The following SLC24A2 variants were observed in gnomAD, a reference collection of about 807,000 sequenced individuals.
The protein encoded by SLC24A2 is solute carrier family 24 member 2, also known as sodium/potassium/calcium exchanger 2.
A neutral mutation model predicts 62.0 loss-of-function variants in SLC24A2; 36 were observed. The observed-to-expected ratio is 0.58, with a 90% CI of 0.44 to 0.77. SLC24A2 has a LOEUF of 0.77. SLC24A2 is among the 30% of genes least tolerant of loss of function. SLC24A2 has a pLI of 0.00. For synonymous variants in SLC24A2, 358 were observed against 294.0 expected, an observed-to-expected ratio of 1.22 and a Z score of -2.23; for missense variants, 846 against 817.9, an observed-to-expected ratio of 1.03 and a Z score of -0.42.
At chr9:20,025,215 C>A in the SLC24A2 span, among the ~76,000 whole-genome samples, 1 of 152,052 alleles carries the variant, frequency 6.6e-6, no homozygotes, top group Admixed American at 6.6e-5. Flanking sequence ...TGAATTGTGT[C>A]CTGCTGTTTG....
At chr9:20,246,482 A>C in the SLC24A2 span, among the ~76,000 whole-genome samples, 4 of 152,376 alleles carry the variant, frequency 2.6e-5, no homozygotes, top group East Asian at 7.7e-4. Flanking sequence ...TCAGGAGGAA[A>C]GAGTTCATTT....
In SLC24A2 at chr9:19,514,425, C is replaced by G. The variant is rs1258664754; in HGVS notation, c.*1728G>C. On this transcript the variant is annotated 3_prime_UTR_variant, in exon 11 of 11. Transcript: ENST00000341998. ...ACAGAATAATGAACCATCCTTGATT[C>G]AATTTTTCAACTGATTTTAAGGAAA... 1 of 152,110 alleles carries G rather than the reference C, an allele frequency of 6.6e-6. No homozygotes were observed. Among genetic ancestry groups the G allele is most frequent in the Non-Finnish European group, 1.5e-5 (1 of 68,010 alleles). 9.4% of individuals were successfully genotyped at this position (152,110 alleles called of 1,614,324 possible). A position where few individuals can be genotyped will look rare whatever the true frequency, so the allele number is the denominator to read the frequency against.
chr9:20,232,343 C>T, the SLC24A2 span, among the ~76,000 whole-genome samples: 17 of 152,128 alleles, frequency 1.1e-4, no homozygotes, highest in Admixed American at 5.2e-4. Flanking sequence ...TGGTAGAATT[C>T]GGCTGTGAAT....
chr9:19,779,741 T>C (rs1476855260), intron 2 of SLC24A2, among the ~76,000 whole-genome samples: 1 of 152,110 alleles, frequency 6.6e-6, no homozygotes, highest in East Asian at 1.9e-4. Flanking sequence ...AAAATGAAAG[T>C]TATAACTCAA....
chr9:20,070,970 T>C, the SLC24A2 span, among the ~76,000 whole-genome samples: 1 of 152,194 alleles, frequency 6.6e-6, no homozygotes, highest in Admixed American at 6.5e-5. Flanking sequence ...TTTATTATAG[T>C]TTAACACCAT....
chr9:19,636,322 T>TTCTTTTCTTTTTTCTTTTCTTTTC (rs376017966), intron 2 of SLC24A2, among the ~76,000 whole-genome samples: 1 of 30,562 alleles, frequency 3.3e-5, no homozygotes. Context: ...TTCTTTTCTT[T>TTCTTTTCTTTTTTCTTTTCTTTTC]CTTTCTTTCT....
Position 19,765,869 on chromosome 9 carries a change from T to A in SLC24A2, c.930+20068A>T, listed in dbSNP as rs2383120. Among the ~76,000 whole-genome samples the A allele has an allele frequency of 1.4e-4, 21 of 152,126 alleles. No homozygotes were observed. The East Asian group carries it at 3.5e-3, about 25-fold the overall frequency. The stretch of plus-strand genomic sequence containing the variant: ...CCTTGCTAGGTTGGGGAAGTTCTCC[T>A]GGATAATATCCTGAAGTGTGTTTTC... On this transcript the variant is annotated intron_variant, in intron 2 of 10. Transcript: ENST00000341998.
chr9:19,904,346 C>T, the SLC24A2 span, among the ~76,000 whole-genome samples: 215 of 152,304 alleles, frequency 1.4e-3, 1 homozygote, highest in African/African-American at 5.1e-3. Context: ...ACCAAAATCA[C>T]CCTCTGTAGC....
At chr9:20,106,650 C>T in the SLC24A2 span, among the ~76,000 whole-genome samples, 1 of 151,942 alleles carries the variant, frequency 6.6e-6, no homozygotes, top group Non-Finnish European at 1.5e-5. Context: ...ATTCAACAAC[C>T]CTTCATGCTA....
At chr9:19,915,528 T>A in the SLC24A2 span, among the ~76,000 whole-genome samples, 11 of 152,252 alleles carry the variant, frequency 7.2e-5, no homozygotes, top group Non-Finnish European at 1.2e-4. Context: ...CACTGCACCA[T>A]TTAATAATAT....
chr9:20,226,881 G>T, the SLC24A2 span, among the ~76,000 whole-genome samples: 1 of 152,206 alleles, frequency 6.6e-6, no homozygotes, highest in South Asian at 2.1e-4. Flanking sequence ...AGCCAGCGAA[G>T]TAGGCTCTGA....
chr9:19,990,461 A>G, the SLC24A2 span, among the ~76,000 whole-genome samples: 1 of 152,006 alleles, frequency 6.6e-6, no homozygotes, highest in Non-Finnish European at 1.5e-5. Context: ...ATACAAAAAA[A>G]TTAGCCGGGC....
At chr9:20,081,998 G>C in the SLC24A2 span, among the ~76,000 whole-genome samples, 1 of 152,138 alleles carries the variant, frequency 6.6e-6, no homozygotes, top group African/African-American at 2.4e-5. Flanking sequence ...CCTTTCAGGG[G>C]ATTCTCACTC....
the SLC24A2 span, among the ~76,000 whole-genome samples, chr9:20,218,726 T>A: frequency 1.3e-5 from 2 of 152,204 alleles, no homozygotes; most frequent in East Asian, 3.9e-4. Context: ...TGCCTAGTTA[T>A]GTTAGTTTTC....
intron 2 of SLC24A2, among the ~76,000 whole-genome samples, chr9:19,772,881 A>G (rs1299363875): frequency 6.6e-6 from 1 of 152,206 alleles, no homozygotes; most frequent in African/African-American, 2.4e-5. Context: ...TCACACAAAC[A>G]CTTGTAAGTA....
chr9:20,070,497 G>A, the SLC24A2 span, among the ~76,000 whole-genome samples: 1 of 152,198 alleles, frequency 6.6e-6, no homozygotes, highest in African/African-American at 2.4e-5. Context: ...GTTTGTAAAT[G>A]AACCAAAGAA....
the SLC24A2 span, among the ~76,000 whole-genome samples, chr9:19,853,113 T>C: frequency 6.8e-6 from 1 of 147,418 alleles, no homozygotes; most frequent in African/African-American, 2.7e-5. Flanking sequence ...TTTGGCCCTC[T>C]ACTTATCTGT....
At chr9:20,301,581 C>G in the SLC24A2 span, among the ~76,000 whole-genome samples, 1 of 150,536 alleles carries the variant, frequency 6.6e-6, no homozygotes, top group Non-Finnish European at 1.5e-5. Flanking sequence ...GAAATTAAAG[C>G]CTTTTTTTTT....
intron 2 of SLC24A2, among the ~76,000 whole-genome samples, chr9:19,688,105 T>C (rs944045578): frequency 6.6e-6 from 1 of 152,112 alleles, no homozygotes; most frequent in Admixed American, 6.5e-5. Flanking sequence ...TGCAAATCAA[T>C]TTGTTCAGCT....
Sources: gnomAD v4.1 joint callset for allele counts (sites outside exome capture counted in the v4.1 genomes callset) on GRCh38, gnomAD v4.1.1 for gene constraint, MANE v1.5 for transcripts, NCBI Gene and HGNC (gene_info 2026-07-23, HGNC 2026-07-21) for gene names.